The following PTPRD variants were observed in gnomAD, a reference collection of about 807,000 sequenced individuals.
PTPRD encodes the protein protein tyrosine phosphatase receptor type D, also known as receptor-type tyrosine-protein phosphatase delta.
A neutral mutation model predicts 214.5 loss-of-function variants in PTPRD; 34 were observed. The observed-to-expected ratio is 0.16, with a 90% CI of 0.12 to 0.21. The LOEUF is 0.21. Among genes scored for constraint, PTPRD ranks in the 10% least tolerant of loss-of-function variants. PTPRD has a pLI of 1.00. For synonymous variants in PTPRD, 1,128 were observed against 845.7 expected (o/e 1.33, Z -5.79); for missense variants, 2,545 against 2,398.7 (o/e 1.06, Z -1.27).
At chr9:8,553,014 G>C (rs761704111) in intron 14 of PTPRD, among the ~76,000 whole-genome samples, 20 of 152,174 alleles carry the variant, frequency 1.3e-4, no homozygotes, top group Non-Finnish European at 2.2e-4. Context: ...ACCCAAGAGA[G>C]AGACAGTATA....
chr9:10,330,431 G>C (rs1375369467), intron 3 of PTPRD, among the ~76,000 whole-genome samples: 2 of 151,754 alleles, frequency 1.3e-5, no homozygotes, highest in Non-Finnish European at 2.9e-5. Context: ...AGATAATGTA[G>C]GAATCTTCTA....
Position 8,612,762 on chromosome 9 carries a change from T to A in PTPRD, c.352+20555A>T, listed in dbSNP as rs116172430. 3.8e-3 allele frequency among the ~76,000 whole-genome samples: 579 copies of A among 152,306 alleles called. 9 individuals are homozygous for A. The highest frequency in any genetic ancestry group is 0.014 in the African/African-American group (562 of 41,564). On this transcript the variant is annotated intron_variant, in intron 14 of 45. Coordinates refer to ENST00000381196, the MANE Select transcript of PTPRD (RefSeq NM_002839.4). ...GCTGGTGGGACCACCCACATACAAGTGGTACCTGCCTCAACTTTTCTCCAG... is the reference window on the plus strand; with the variant it reads ...GCTGGTGGGACCACCCACATACAAGAGGTACCTGCCTCAACTTTTCTCCAG...
At chr9:10,277,715 A>G (rs192989322) in intron 3 of PTPRD, among the ~76,000 whole-genome samples, 167 of 152,312 alleles carry the variant, frequency 1.1e-3, no homozygotes, top group African/African-American at 3.3e-3. Flanking sequence ...CTCTTTTGTG[A>G]TATTTCTGTA....
chr9:8,359,057 G>A lies in PTPRD; in HGVS notation c.4661+16879C>T, dbSNP rs1304828590. On this transcript the variant is annotated intron_variant, in intron 39 of 45. Coordinates refer to ENST00000381196, the MANE Select transcript of PTPRD (RefSeq NM_002839.4). ...TGGGAGGCGGAGCTTGCAGTGAGCC[G>A]AGATTGCACCACTGCACTCCCACCT... Among the ~76,000 whole-genome samples, 5 of 125,810 alleles carry A rather than the reference G, an allele frequency of 4.0e-5. No individual in the cohort carries two copies. In the South Asian group the frequency reaches 1.2e-3, roughly 30 times the overall value. 82.5% of individuals were successfully genotyped at this position (125,810 alleles called of 152,430 possible).
chr9:9,394,567 A>G (rs979882796), intron 9 of PTPRD, among the ~76,000 whole-genome samples: 9 of 152,182 alleles, frequency 5.9e-5, no homozygotes, highest in Non-Finnish European at 1.0e-4. Context: ...TGTAAAGATG[A>G]TAATAATAGC....
At chr9:8,361,908 C>G (rs1255198219) in intron 39 of PTPRD, among the ~76,000 whole-genome samples, 1 of 152,208 alleles carries the variant, frequency 6.6e-6, no homozygotes, top group Non-Finnish European at 1.5e-5. Flanking sequence ...TGTTCAGACC[C>G]ACTCACCTTC....
intron 6 of PTPRD, among the ~76,000 whole-genome samples, chr9:9,755,123 T>A (rs984494223): frequency 6.6e-6 from 1 of 151,948 alleles, no homozygotes; most frequent in African/African-American, 2.4e-5. Flanking sequence ...TCCAGATGAT[T>A]CCTATAATCA....
chr9:10,117,987 T>G (rs1229363638), intron 3 of PTPRD, among the ~76,000 whole-genome samples: 1 of 152,024 alleles, frequency 6.6e-6, no homozygotes, highest in Non-Finnish European at 1.5e-5. Context: ...TACCTGATAC[T>G]TTCCCCCCTG....
At chr9:9,337,288 G>C (rs1452685167) in intron 9 of PTPRD, among the ~76,000 whole-genome samples, 2 of 152,154 alleles carry the variant, frequency 1.3e-5, no homozygotes, top group Admixed American at 6.6e-5. Flanking sequence ...AATGAAAGCA[G>C]GGTAAAGGGA....
intron 11 of PTPRD, among the ~76,000 whole-genome samples, chr9:9,000,468 G>A (rs190037651): frequency 6.6e-6 from 1 of 151,914 alleles, no homozygotes; most frequent in African/African-American, 2.4e-5. Context: ...ATCTTGAGGT[G>A]CTTGTTATAA....
At chr9:8,841,228 A>C (rs1035201354) in intron 11 of PTPRD, among the ~76,000 whole-genome samples, 1 of 152,174 alleles carries the variant, frequency 6.6e-6, no homozygotes, top group Non-Finnish European at 1.5e-5. Context: ...AAGCACAATT[A>C]AAAAACCAAG....
At chr9:9,908,894 T>C (rs913302707) in intron 5 of PTPRD, among the ~76,000 whole-genome samples, 3 of 152,014 alleles carry the variant, frequency 2.0e-5, no homozygotes, top group Non-Finnish European at 4.4e-5. Context: ...TGGAGTTTAA[T>C]GGTCAGTTAA....
chr9:8,572,245 T>C (rs10815918), intron 14 of PTPRD, among the ~76,000 whole-genome samples: 54,909 of 151,756 alleles, frequency 0.36, 9,921 homozygotes, highest in South Asian at 0.41. Context: ...TCTTTATTTG[T>C]AAAATTAAGA....
chr9:10,284,771 G>C (rs938487916), intron 3 of PTPRD, among the ~76,000 whole-genome samples: 2 of 148,490 alleles, frequency 1.3e-5, no homozygotes, highest in African/African-American at 2.6e-5. Flanking sequence ...GATTCTGCAA[G>C]GCCAGGAGGA....
At chr9:8,563,852 A>G (rs1405287938) in intron 14 of PTPRD, among the ~76,000 whole-genome samples, 2 of 152,142 alleles carry the variant, frequency 1.3e-5, no homozygotes, top group East Asian at 1.9e-4. Context: ...TTTAGTAGAG[A>G]CCAGGTTTCA....
intron 34 of PTPRD, among the ~76,000 whole-genome samples, chr9:8,444,259 C>T (rs532736633): frequency 1.9e-4 from 29 of 152,080 alleles, no homozygotes; most frequent in Non-Finnish European, 3.5e-4. Flanking sequence ...GAACTGACTA[C>T]CATCATTGTC....
chr9:9,378,828 T>G (rs1035302446), intron 9 of PTPRD, among the ~76,000 whole-genome samples: 1 of 152,118 alleles, frequency 6.6e-6, no homozygotes, highest in African/African-American at 2.4e-5. Flanking sequence ...GATGTATCCC[T>G]TAAAATCTTT....
chr9:9,807,526 T>G (rs1475184630), intron 5 of PTPRD, among the ~76,000 whole-genome samples: 1 of 152,190 alleles, frequency 6.6e-6, no homozygotes, highest in African/African-American at 2.4e-5. Context: ...CTCCCCTTGT[T>G]AAGCATTTTC....
At chr9:8,818,785 T>C (rs1411035630) in intron 11 of PTPRD, among the ~76,000 whole-genome samples, 1 of 152,262 alleles carries the variant, frequency 6.6e-6, no homozygotes, top group Admixed American at 6.5e-5. Context: ...AATTTGGCTT[T>C]GGTAATCACG....
Sources: gnomAD v4.1 joint callset for allele counts (sites outside exome capture counted in the v4.1 genomes callset) on GRCh38, gnomAD v4.1.1 for gene constraint, MANE v1.5 for transcripts, NCBI Gene and HGNC (gene_info 2026-07-23, HGNC 2026-07-21) for gene names.